Variants in CORO1B observed in about 807,000 individuals in gnomAD.
CORO1B encodes the protein coronin-1B.
In CORO1B, 30 loss-of-function variants were observed where a neutral mutation model predicts 51.1. That is an observed-to-expected ratio of 0.59 (90% CI 0.44 to 0.80). The LOEUF is 0.80. Ranked by LOEUF, CORO1B falls within the 30% of genes least tolerant of loss-of-function variation. The pLI is 0.00. For synonymous variants in CORO1B, 310 were observed against 289.7 expected (o/e 1.07, Z -0.71); for missense variants, 648 against 700.4 (o/e 0.93, Z 0.84).
Position 67,438,897 on chromosome 11 carries a change from G to A in CORO1B, c.1118C>T (p.Ala373Val). ...GCTCACCCACTCCTCAGCCTCCAGG[G>A]CTGCCTCGGGCCCGGCTGTGTCGGG... ...LYPDTAGPEAALEAEEWVSGR... is the reference protein window; with the variant it reads ...LYPDTAGPEAVLEAEEWVSGR... Residue 373 changes from alanine (A) to valine (V), a missense_variant, in exon 10 of 11, where the codon GCC becomes GTC. Physicochemically the swap from Ala to Val is moderately conservative, Grantham distance 64 (BLOSUM62 0). Transcript: ENST00000341356. The A allele has an allele frequency of 1.2e-6, 2 of 1,609,186 alleles. No homozygotes were observed. The highest frequency in any genetic ancestry group is 1.7e-6 in the Non-Finnish European group (2 of 1,178,968).
At chr11:67,442,703 G>T in intron 1 of CORO1B, 73 bp from the exon 2 acceptor site, 1 of 1,499,884 alleles carries the variant, frequency 6.7e-7, no homozygotes. Flanking sequence ...TGCTGAAGGT[G>T]AGCCGGGAGG....
At chr11:67,443,524 CA>C (rs1054001582), upstream of CORO1B, 10 of 893,974 alleles carry the variant, frequency 1.1e-5, no homozygotes, top group African/African-American at 1.8e-4. Flanking sequence ...GGGGGCGGGG[CA>C]GGGGCTCGCG....
Position 67,438,675 on chromosome 11 carries a change from G to C in CORO1B, c.1340C>G (p.Ala447Gly). 1.3e-6 allele frequency: 2 copies of C among 1,538,898 alleles called. No homozygotes were observed. The highest frequency in any genetic ancestry group is 1.7e-6 in the Non-Finnish European group (2 of 1,145,072). ...DATPSGSLAR[A>G]GEAGKLEEVM... ...CCCCTGCCTGCGCGTGCATACCCCG[G>C]CTCTGGCCAGGCTGCCGCTGGGGGT... The change falls in exon 10 of 11, where the codon GCC becomes GGC. Residue 447 changes from alanine (A) to glycine (G), a missense_variant. Transcript: ENST00000341356.
chr11:67,441,302 A>C (rs1362631212), intron 5 of CORO1B, 31 bp downstream of exon 5: 1 of 1,612,920 alleles, frequency 6.2e-7, no homozygotes, highest in African/African-American at 1.3e-5. Flanking sequence ...GGGCCTATCC[A>C]CAGCCATCCT....
At position 67,442,007 on chromosome 11, in the gene CORO1B, CGTT is replaced by C; in HGVS notation, c.280_282del (p.Asn94del). On this transcript the variant is annotated inframe_deletion, in exon 3 of 11. Coordinates refer to ENST00000341356, the MANE Select transcript of CORO1B (RefSeq NM_020441.3). ...TCCGAGCCGCTGGCTATGACTTCGT[CGTT>C]GTGAGGACACCAGTCGATGTCCAGG... 1.2e-6 allele frequency: 2 copies of C among 1,613,254 alleles called. No homozygotes were observed. The highest frequency in any genetic ancestry group is 1.7e-6 in the Non-Finnish European group (2 of 1,180,014).
chr11:67,442,152 T>C, intron 2 of CORO1B, 64 bp from the exon 3 acceptor site: 1 of 1,586,074 alleles, frequency 6.3e-7, no homozygotes. Flanking sequence ...TTCCCCTCCA[T>C]GGAGTGGGAA....
intron 6 of CORO1B, chr11:67,440,893 C>T (rs1403407944): frequency 1.8e-5 from 12 of 664,456 alleles, no homozygotes; most frequent in Non-Finnish European, 2.7e-5. Context: ...CTTCCGTTGG[C>T]ATGAACAACA....
In CORO1B at chr11:67,438,185, C is replaced by T. The variant is rs1864324460; in HGVS notation, c.*191G>A. On this transcript the variant is annotated 3_prime_UTR_variant, in exon 11 of 11. Coordinates refer to ENST00000341356, the MANE Select transcript of CORO1B (RefSeq NM_020441.3). The stretch of plus-strand genomic sequence containing the variant: ...GTCGAGGAGCTCGCCTGGGCGTAGA[C>T]ATCCTCCACAGGAACAGTGAGGAAA... The T allele has an allele frequency of 6.3e-6, 4 of 632,328 alleles. No individual in the cohort carries two copies. In the South Asian group the frequency reaches 1.1e-4, roughly 18 times the overall value. The allele number at this position is 632,328 out of a possible 1,614,324, so 39.2% of individuals were successfully genotyped here.
At position 67,435,828 on chromosome 11, in the gene CORO1B, G is replaced by A; in HGVS notation, c.*2548C>T. 1 of 1,606,146 alleles carries A rather than the reference G, an allele frequency of 6.2e-7. No homozygotes were observed. The highest frequency in any genetic ancestry group is 8.5e-7 in the Non-Finnish European group (1 of 1,177,564). ...GCAAAGGCGTGCAGGTCACTCAGCA[G>A]GGCCTCAGCACTGCCCCCTGCGCTC... On this transcript the variant is annotated 3_prime_UTR_variant, in exon 11 of 11. Transcript: ENST00000341356.
chr11:67,439,367 G>C (rs532205068), intron 9 of CORO1B, among the ~76,000 whole-genome samples: 1 of 152,236 alleles, frequency 6.6e-6, no homozygotes, highest in Admixed American at 6.5e-5. Flanking sequence ...CATGTGGCCC[G>C]GTCCCCTCTT....
At position 67,435,972 on chromosome 11, in the gene CORO1B, C is replaced by A; in HGVS notation, c.*2404G>T. On this transcript the variant is annotated 3_prime_UTR_variant, in exon 11 of 11. Transcript: ENST00000341356. Reference sequence around the variant, plus strand: ...TCTCCACATTGCTGCTCGCCTTCCCCAGGGTCAGCCTGCAGGCCACCATCC... The same window carrying A: ...TCTCCACATTGCTGCTCGCCTTCCCAAGGGTCAGCCTGCAGGCCACCATCC... 6.2e-7 allele frequency: 1 copy of A among 1,613,724 alleles called. No homozygotes were observed. The highest frequency in any genetic ancestry group is 8.5e-7 in the Non-Finnish European group (1 of 1,179,924).
Position 67,437,715 on chromosome 11 carries a change from C to T in CORO1B, c.*661G>A. ...GTGCTCGTCTGCAGTGAAGGGTGGC[C>T]CAGGCTTCCGCTTCCTGCCCACATA... On this transcript the variant is annotated 3_prime_UTR_variant, in exon 11 of 11. Transcript: ENST00000341356. The T allele has an allele frequency of 7.7e-7, 1 of 1,292,014 alleles. No homozygotes were observed. Among genetic ancestry groups the T allele is most frequent in the Non-Finnish European group, 1.0e-6 (1 of 1,001,716 alleles). The allele number at this position is 1,292,014 out of a possible 1,614,324, so 80.0% of individuals were successfully genotyped here. A position where few individuals can be genotyped will look rare whatever the true frequency, so the allele number is the denominator to read the frequency against.
chr11:67,441,002 C>A, intron 6 of CORO1B, 123 bp downstream of exon 6: 1 of 1,463,108 alleles, frequency 6.8e-7, no homozygotes, highest in East Asian at 2.3e-5. Flanking sequence ...GTCCTAGGCC[C>A]TGAGAGCCTC....
chr11:67,437,872 T>G lies in CORO1B; in HGVS notation c.*504A>C. 2 of 393,600 alleles carry G rather than the reference T, an allele frequency of 5.1e-6. No individual in the cohort carries two copies. The highest frequency in any genetic ancestry group is 9.0e-6 in the Non-Finnish European group (2 of 223,264). The allele number at this position is 393,600 out of a possible 1,614,324, so 24.4% of individuals were successfully genotyped here. ...CACCAACTTGAAGCTGGATGCAGCC[T>G]TGCATGTGTTCTCAGGTCTTCTGCC... is the stretch of plus-strand genomic sequence containing the variant. On this transcript the variant is annotated 3_prime_UTR_variant, in exon 11 of 11. Coordinates refer to ENST00000341356, the MANE Select transcript of CORO1B (RefSeq NM_020441.3).
rs1565150742 is a variant in CORO1B at position 67,435,917 on chromosome 11, CGCACGGGGACCT to C, written c.*2447_*2458del. ...GTCACTGTCTCTGGCTTCCTCAGCC[CGCACGGGGACCT>C]GCTCTGGGCTGGACGCCTCTCCACA... On this transcript the variant is annotated 3_prime_UTR_variant, in exon 11 of 11. Transcript: ENST00000341356. 1 of 1,612,862 alleles carries C rather than the reference CGCACGGGGACCT, an allele frequency of 6.2e-7. No individual in the cohort carries two copies. Among genetic ancestry groups the C allele is most frequent in the Admixed American group, 1.7e-5 (1 of 59,972 alleles).
Position 67,441,255 on chromosome 11 carries a change from G to GA in CORO1B, c.637-12dup. 6.2e-7 allele frequency: 1 copy of GA among 1,612,896 alleles called. No homozygotes were observed. The highest frequency in any genetic ancestry group is 8.5e-7 in the Non-Finnish European group (1 of 1,179,932). On this transcript the variant is annotated splice_polypyrimidine_tract_variant and intron_variant, in intron 5 of 10. Transcript: ENST00000341356. ...AGCCTTCTCCCGCTCCTGTCGGGGGGACAGGCTGGTCAGTGCAGCGCCCTG... is the reference window on the plus strand; with the variant it reads ...AGCCTTCTCCCGCTCCTGTCGGGGGGAACAGGCTGGTCAGTGCAGCGCCCTG...
Position 67,441,987 on chromosome 11 carries a change from G to GC in CORO1B, c.302dup (p.Ser102LeufsTer76), listed in dbSNP as rs754173098. On this transcript the variant is annotated frameshift_variant, in exon 3 of 11. Coordinates refer to ENST00000341356, the MANE Select transcript of CORO1B (RefSeq NM_020441.3). LOFTEE classifies it high-confidence loss of function. ...TCACCATGACCGTGCAGTCCTCCGA[G>GC]CCGCTGGCTATGACTTCGTCGTTGT... 1 of 1,613,252 alleles carries GC rather than the reference G, an allele frequency of 6.2e-7. No homozygotes were observed. The highest frequency in any genetic ancestry group is 8.5e-7 in the Non-Finnish European group (1 of 1,180,010).
At chr11:67,443,757 G>C (rs1301250145), upstream of CORO1B, 29 of 985,206 alleles carry the variant, frequency 2.9e-5, no homozygotes, top group Non-Finnish European at 3.5e-5. Context: ...CCTTACAGCG[G>C]ACCCGAGGCC....
In CORO1B at chr11:67,436,471, A is replaced by C; in HGVS notation, c.*1905T>G. On this transcript the variant is annotated 3_prime_UTR_variant, in exon 11 of 11. Transcript: ENST00000341356. ...TCTTTGGGATCCTCTTGGGACAGCC[A>C]AGCAGAAAAGGCCAAGGCCTTATTT... The C allele has an allele frequency of 8.4e-7, 1 of 1,186,316 alleles. No homozygotes were observed. Among genetic ancestry groups the C allele is most frequent in the Non-Finnish European group, 1.1e-6 (1 of 887,236 alleles). 73.5% of individuals were successfully genotyped at this position (1,186,316 alleles called of 1,614,324 possible).
Sources: gnomAD v4.1 joint callset for allele counts (sites outside exome capture counted in the v4.1 genomes callset) on GRCh38, gnomAD v4.1.1 for gene constraint, MANE v1.5 for transcripts, NCBI Gene and HGNC (gene_info 2026-07-23, HGNC 2026-07-21) for gene names.